The following RNF185 variants were observed in gnomAD, a reference collection of about 807,000 sequenced individuals.
The protein encoded by RNF185 is ring finger protein 185, also known as E3 ubiquitin-protein ligase RNF185.
A neutral mutation model predicts 24.9 loss-of-function variants in RNF185; 13 were observed. The observed-to-expected ratio is 0.52, with a 90% CI of 0.34 to 0.83. RNF185 has a LOEUF of 0.83. Ranked by LOEUF, RNF185 falls within the 40% of genes least tolerant of loss-of-function variation. The pLI is 0.01. For synonymous variants in RNF185, 79 were observed against 90.3 expected (o/e 0.88, Z 0.71); for missense variants, 184 against 244.7 (o/e 0.75, Z 1.65).
intron 1 of RNF185, among the ~76,000 whole-genome samples, chr22:31,166,941 C>T (rs555953298): frequency 1.3e-4 from 20 of 152,304 alleles, no homozygotes; most frequent in African/African-American, 4.8e-4. Flanking sequence ...TGAGCCACCA[C>T]ACCTGGCCTA....
chr22:31,197,158 G>A, intron 5 of RNF185, 168 bp downstream of exon 5: 1 of 871,130 alleles, frequency 1.1e-6, no homozygotes, highest in Non-Finnish European at 1.7e-6. Context: ...CAATCCAGAG[G>A]TAACCACTGG....
At position 31,204,509 on chromosome 22, in the gene RNF185, T is replaced by A. The variant is rs375649608; in HGVS notation, c.502T>A (p.Tyr168Asn). The stretch of plus-strand genomic sequence containing the variant: ...TCCAGCTGTCCCTGGGACACCCCAG[T>A]ATGTGGACGAGCAGTTCCTGTCACG... ...PPPAVPGTPQ[Y>N]VDEQFLSRLF... The change falls in exon 7 of 7, where the codon TAT becomes AAT. Residue 168 changes from tyrosine to asparagine, a missense_variant. Physicochemically the swap from Tyr to Asn is moderately radical, Grantham distance 143. Coordinates refer to ENST00000326132, the MANE Select transcript of RNF185 (RefSeq NM_152267.4). 13 of 1,610,324 alleles carry A rather than the reference T, an allele frequency of 8.1e-6. No homozygotes were observed. In the African/African-American group the frequency reaches 1.7e-4, roughly 21 times the overall value.
chr22:31,162,869 A>G (rs1452781062), intron 1 of RNF185, among the ~76,000 whole-genome samples: 1 of 148,778 alleles, frequency 6.7e-6, no homozygotes, highest in Non-Finnish European at 1.5e-5. Context: ...GGTTCATGCC[A>G]TTCTCCTGCC....
chr22:31,166,600 C>T (rs1923938066), intron 1 of RNF185, among the ~76,000 whole-genome samples: 1 of 150,702 alleles, frequency 6.6e-6, no homozygotes, highest in Non-Finnish European at 1.5e-5. Context: ...CCTTCCCCTT[C>T]CCTTCCCCTC....
At chr22:31,163,967 C>T (rs1056950820) in intron 1 of RNF185, among the ~76,000 whole-genome samples, 1 of 151,630 alleles carries the variant, frequency 6.6e-6, no homozygotes, top group Non-Finnish European at 1.5e-5. Context: ...AGCCACCGTG[C>T]CTGGCCCCTT....
intron 3 of RNF185, among the ~76,000 whole-genome samples, chr22:31,192,979 T>C (rs868751096): frequency 3.1e-4 from 47 of 152,228 alleles, no homozygotes; most frequent in African/African-American, 1.0e-3. Context: ...CTTTTTATTT[T>C]TGAGATTCTG....
rs746649817 is a variant in RNF185, at chr22:31,197,009, G to A, written c.363+19G>A. ...TAGAGGGGTGAGGAACATTCTAGGA[G>A]AAGCTTCTACAAATGAGCTGATGGC... On this transcript the variant is annotated intron_variant, in intron 5 of 6. Transcript: ENST00000326132. 3 of 1,613,500 alleles carry A rather than the reference G, an allele frequency of 1.9e-6. No homozygotes were observed. Among genetic ancestry groups the A allele is most frequent in the East Asian group, 2.2e-5 (1 of 44,868 alleles).
intron 6 of RNF185, among the ~76,000 whole-genome samples, chr22:31,203,699 T>C (rs780861656): frequency 3.3e-5 from 5 of 152,184 alleles, no homozygotes; most frequent in Non-Finnish European, 5.9e-5. Flanking sequence ...TTATTGTTAT[T>C]GTTCCACATA....
At chr22:31,170,721 G>A (rs887369703) in intron 1 of RNF185, among the ~76,000 whole-genome samples, 12 of 151,542 alleles carry the variant, frequency 7.9e-5, no homozygotes, top group African/African-American at 2.4e-4. Context: ...TGTTGGCTAA[G>A]GTGGTCTCGA....
chr22:31,190,214 ATAATC>A (rs1483466281), intron 2 of RNF185, among the ~76,000 whole-genome samples: 6 of 152,248 alleles, frequency 3.9e-5, no homozygotes, highest in African/African-American at 1.4e-4. Flanking sequence ...AAAAGTTCCT[ATAATC>A]TAGTGATTTT....
intron 1 of RNF185, among the ~76,000 whole-genome samples, chr22:31,177,327 G>A (rs572442855): frequency 1.3e-5 from 2 of 151,972 alleles, no homozygotes; most frequent in South Asian, 4.2e-4. Flanking sequence ...CTACTAAGTA[G>A]ATAGGAAGAT....
intron 1 of RNF185, among the ~76,000 whole-genome samples, chr22:31,163,184 ATATT>A (rs1923687801): frequency 6.6e-6 from 1 of 152,206 alleles, no homozygotes; most frequent in Non-Finnish European, 1.5e-5. Flanking sequence ...ATATTCATAT[ATATT>A]TACATATTGT....
At chr22:31,184,996 A>G (rs373293511) in intron 1 of RNF185, among the ~76,000 whole-genome samples, 1 of 130,746 alleles carries the variant, frequency 7.6e-6, no homozygotes, top group Admixed American at 7.5e-5. Context: ...TTTTTTTTTT[A>G]AAAAGAAACA....
At chr22:31,186,864 G>T (rs906945110) in intron 1 of RNF185, among the ~76,000 whole-genome samples, 183 bp from the exon 2 acceptor site, 2 of 152,298 alleles carry the variant, frequency 1.3e-5, no homozygotes, top group Non-Finnish European at 2.9e-5. Flanking sequence ...TTCATGAGAA[G>T]TTTCTGGGTC....
chr22:31,165,589 TA>T (rs1365858592), intron 1 of RNF185, among the ~76,000 whole-genome samples: 1 of 152,340 alleles, frequency 6.6e-6, no homozygotes, highest in East Asian at 1.9e-4. Context: ...TTGGACATAC[TA>T]AAGCACAAAG....
At chr22:31,171,743 C>T (rs534664832) in intron 1 of RNF185, among the ~76,000 whole-genome samples, 125 of 152,148 alleles carry the variant, frequency 8.2e-4, no homozygotes, top group African/African-American at 1.6e-3. Flanking sequence ...CCGAGGCAAG[C>T]GGATCACCTG....
chr22:31,162,610 T>C (rs1222081234), intron 1 of RNF185, among the ~76,000 whole-genome samples: 3 of 116,976 alleles, frequency 2.6e-5, no homozygotes, highest in African/African-American at 1.2e-4. Flanking sequence ...ATCTACTTGA[T>C]GTCAAATCTT....
chr22:31,168,621 AT>A (rs1270445395), intron 1 of RNF185, among the ~76,000 whole-genome samples: 2 of 152,092 alleles, frequency 1.3e-5, no homozygotes, highest in African/African-American at 4.8e-5. Flanking sequence ...TCAGTTTTTA[AT>A]TTTTTTGAGG....
intron 1 of RNF185, among the ~76,000 whole-genome samples, chr22:31,164,838 G>A (rs8135875): frequency 0.072 from 10,953 of 151,602 alleles, 1,331 homozygotes; most frequent in African/African-American, 0.25. Context: ...CACCTGCCTC[G>A]GCCTCCCAAA....
Sources: gnomAD v4.1 joint callset for allele counts (sites outside exome capture counted in the v4.1 genomes callset) on GRCh38, gnomAD v4.1.1 for gene constraint, MANE v1.5 for transcripts, NCBI Gene and HGNC (gene_info 2026-07-23, HGNC 2026-07-21) for gene names.